Variants in TTLL3 observed in about 807,000 individuals in gnomAD.
TTLL3 encodes tubulin monoglycylase TTLL3.
In TTLL3, 63 loss-of-function variants were observed where a neutral mutation model predicts 75.2. The ratio of observed to expected loss-of-function variants is 0.84; its 90% confidence interval spans 0.68 to 1.03. The LOEUF (loss-of-function observed/expected upper bound fraction) is 1.03. Among genes scored for constraint, TTLL3 ranks in the 50% least tolerant of loss-of-function variants. TTLL3 has a pLI of 0.00. For synonymous variants in TTLL3, 393 were observed against 418.5 expected, an observed-to-expected ratio of 0.94 and a Z score of 0.74; for missense variants, 997 against 1,069.9, an observed-to-expected ratio of 0.93 and a Z score of 0.95.
rs771770791 is a variant in TTLL3, at chr3:9,829,154, C to T, written c.1442C>T (p.Thr481Ile). 1 of 1,614,216 alleles carries T rather than the reference C, an allele frequency of 6.2e-7. No individual in the cohort carries two copies. The highest frequency in any genetic ancestry group is 8.5e-7 in the Non-Finnish European group (1 of 1,180,040). ...GATGCTGTGATCCACGCACTTCAGA[C>T]CTCCCAGGACACCGTGCAGTGTCGG... ...MKDAVIHALQ[T>I]SQDTVQCRKA... The change falls in exon 11 of 14, where the codon ACC (threonine) becomes ATC (isoleucine). Residue 481 changes from threonine to isoleucine, a missense_variant. Transcript: ENST00000685419.
At chr3:9,835,026 T>C in intron 13 of TTLL3, 68 bp from the exon 14 acceptor site, 1 of 1,592,124 alleles carries the variant, frequency 6.3e-7, no homozygotes, top group Non-Finnish European at 8.6e-7. Flanking sequence ...AGAGCTGGTC[T>C]CCCTCAGAAG....
In TTLL3 at chr3:9,829,355, G is replaced by A. The variant is rs368192955; in HGVS notation, c.1643G>A (p.Arg548His). 241 of 1,608,248 alleles carry A rather than the reference G, an allele frequency of 1.5e-4. No individual in the cohort carries two copies. The highest frequency in any genetic ancestry group is 1.1e-3 in the South Asian group (98 of 90,590). The change falls in exon 11 of 14, where the codon CGC (arginine) becomes CAC (histidine). Residue 548 changes from arginine to histidine, a missense_variant. Coordinates refer to ENST00000685419, the MANE Select transcript of TTLL3 (RefSeq NM_001387446.1). Reference protein sequence around the residue: ...LRVVIDRMLDRNCDTGAFELI... With the variant: ...LRVVIDRMLDHNCDTGAFELI... ...GTGGTCATTGACCGGATGCTGGACC[G>A]CAACTGTGACACAGGAGCCTTTGAG...
At chr3:9,818,723 G>A (rs1288073975) in intron 6 of TTLL3, 99 bp from the exon 7 acceptor site, 2 of 1,595,882 alleles carry the variant, frequency 1.3e-6, no homozygotes, top group African/African-American at 2.7e-5. Context: ...GTAGAGTCAG[G>A]TTCTGGATCC....
Position 9,813,238 on chromosome 3 carries a change from G to C in TTLL3, c.218-10G>C. 1 of 1,614,104 alleles carries C rather than the reference G, an allele frequency of 6.2e-7. No homozygotes were observed. Among genetic ancestry groups the C allele is most frequent in the Admixed American group, 1.7e-5 (1 of 60,026 alleles). On this transcript the variant is annotated splice_polypyrimidine_tract_variant and intron_variant, in intron 3 of 13. Transcript: ENST00000685419. Reference sequence around the variant, plus strand: ...AGGAAACTCATCAGCTCTGGGCTCTGCATCCACAGAGGATGAAGATGAGGA... The same window carrying C: ...AGGAAACTCATCAGCTCTGGGCTCTCCATCCACAGAGGATGAAGATGAGGA...
intron 11 of TTLL3, among the ~76,000 whole-genome samples, chr3:9,831,516 C>T (rs1575413498): frequency 6.6e-6 from 1 of 152,158 alleles, no homozygotes; most frequent in South Asian, 2.1e-4. Flanking sequence ...GTGGTGGCTA[C>T]CAGATTCTCT....
intron 7 of TTLL3, chr3:9,819,555 A>G (rs1031721276): frequency 1.0e-6 from 1 of 987,486 alleles, no homozygotes; most frequent in Non-Finnish European, 1.2e-6. Flanking sequence ...ACATGGCCTG[A>G]GAACAGCTTA....
At chr3:9,832,042 T>C (rs914815285) in intron 11 of TTLL3, among the ~76,000 whole-genome samples, 20 of 149,810 alleles carry the variant, frequency 1.3e-4, no homozygotes, top group Non-Finnish European at 5.9e-5. Flanking sequence ...CCGCCTGTCT[T>C]GGCCTCCCAG....
In TTLL3 at chr3:9,817,857, C is replaced by T. The variant is rs186667614; in HGVS notation, c.559+98C>T. ...AGAGAAACAGGCCTCTCTTCATGCC[C>T]TCATCTGCCTGCCCCAGCAGATTTC... On this transcript the variant is annotated intron_variant, in intron 6 of 13. Transcript: ENST00000685419. The T allele has an allele frequency of 8.8e-4, 1,295 of 1,464,982 alleles. 9 individuals are homozygous for T. In the Admixed American group the frequency reaches 9.4e-3, roughly 11 times the overall value. 90.7% of individuals were successfully genotyped at this position (1,464,982 alleles called of 1,614,324 possible).
At chr3:9,825,409 C>A (rs6443268) in intron 8 of TTLL3, 1 of 276,792 alleles carries the variant, frequency 3.6e-6, no homozygotes, top group Non-Finnish European at 7.2e-6. Context: ...GCCTTGAGGG[C>A]ATTCGTGAAA....
In TTLL3 at chr3:9,834,743, C is replaced by T; in HGVS notation, c.1888C>T (p.His630Tyr). ...GCTGCCTTCTCCCCATGTACTCCGA[C>T]ACCAGGGCCAGGTCCTCAGACGACA... ...AQLPSPHVLRHQGQVLRRQHS... is the reference protein window; with the variant it reads ...AQLPSPHVLRYQGQVLRRQHS... Residue 630 changes from histidine (H) to tyrosine (Y), a missense_variant, in exon 13 of 14, where the codon CAC becomes TAC. Coordinates refer to ENST00000685419, the MANE Select transcript of TTLL3 (RefSeq NM_001387446.1). 2 of 1,614,252 alleles carry T rather than the reference C, an allele frequency of 1.2e-6. No homozygotes were observed. Among genetic ancestry groups the T allele is most frequent in the Admixed American group, 3.3e-5 (2 of 60,032 alleles).
In TTLL3 at chr3:9,822,062, CTTT is replaced by C. The variant is rs1201552537; in HGVS notation, c.854+1340_854+1342del. 7.0e-3 allele frequency among the ~76,000 whole-genome samples: 531 copies of C among 75,380 alleles called. 1 individual carries two copies. Among genetic ancestry groups the C allele is most frequent in the Middle Eastern group, 0.017 (1 of 58 alleles). The allele number at this position is 75,380 out of a possible 152,430, so 49.5% of individuals were successfully genotyped here. ...AACATTAGTCATGAAGCACGAGTCCCTTTTTTTTTTTTTTTTTTTTTGAGACAG... is the reference window on the plus strand; with the variant it reads ...AACATTAGTCATGAAGCACGAGTCCCTTTTTTTTTTTTTTTTTTGAGACAG... On this transcript the variant is annotated intron_variant, in intron 8 of 13. Transcript: ENST00000685419.
chr3:9,813,559 A>C (rs1377399423), intron 4 of TTLL3, among the ~76,000 whole-genome samples: 1 of 152,058 alleles, frequency 6.6e-6, no homozygotes, highest in Non-Finnish European at 1.5e-5. Context: ...GTGGGAGGAT[A>C]ACTTGAGGCT....
At chr3:9,818,717 A>G in intron 6 of TTLL3, 105 bp from the exon 7 acceptor site, 1 of 1,586,714 alleles carries the variant, frequency 6.3e-7, no homozygotes, top group Non-Finnish European at 8.6e-7. Flanking sequence ...GAAAAGGTAG[A>G]GTCAGGTTCT....
In TTLL3 at chr3:9,817,728, G is replaced by T. The variant is rs1390354228; in HGVS notation, c.528G>T (p.Leu176=). 1.2e-6 allele frequency: 2 copies of T among 1,614,182 alleles called. No homozygotes were observed. The highest frequency in any genetic ancestry group is 1.1e-5 in the South Asian group (1 of 91,086). The change falls in exon 6 of 14, where the codon CTG becomes CTT. Residue 176 remains leucine (L), a synonymous_variant. Transcript: ENST00000685419. ...ANSFFPRCYC[L]GAEDDKKAFI... is the part of the protein sequence containing the mutation. ...CCTTCTTCCCACGCTGCTACTGCCTGGGGGCTGAGGATGACAAAAAAGCCT... is the reference window on the plus strand; with the variant it reads ...CCTTCTTCCCACGCTGCTACTGCCTTGGGGCTGAGGATGACAAAAAAGCCT...
chr3:9,810,240 A>T (rs574850863), upstream of TTLL3: 5 of 1,508,694 alleles, frequency 3.3e-6, no homozygotes, highest in South Asian at 6.1e-5. The surrounding 1 kb of genome is among the most constrained non-coding windows in gnomAD (Gnocchi z 4.4). Context: ...AGGGTCACGC[A>T]GGCGGCAGAT....
At chr3:9,826,002 G>C in intron 9 of TTLL3, 54 bp downstream of exon 9, 1 of 1,592,002 alleles carries the variant, frequency 6.3e-7, no homozygotes, top group Non-Finnish European at 8.6e-7. Context: ...GCATCTACCA[G>C]TAGAGGCCAA....
At chr3:9,813,165 G>A in intron 3 of TTLL3, 54 bp downstream of exon 3, 1 of 1,605,420 alleles carries the variant, frequency 6.2e-7, no homozygotes, top group Non-Finnish European at 8.5e-7. Flanking sequence ...TTTTCCTTTG[G>A]TTCCCACTGT....
At chr3:9,825,587 C>A in intron 8 of TTLL3, 1 of 754,750 alleles carries the variant, frequency 1.3e-6, no homozygotes, top group South Asian at 1.7e-5. Context: ...TTTTATCAGC[C>A]TTTCCCATTT....
chr3:9,812,177 A>G (rs1268855615), intron 2 of TTLL3, among the ~76,000 whole-genome samples: 4 of 152,148 alleles, frequency 2.6e-5, no homozygotes, highest in African/African-American at 9.7e-5. Flanking sequence ...GTTGGAGACC[A>G]GCCTGGCCAA....
Sources: allele counts gnomAD v4.1 joint callset (sites outside exome capture counted in the v4.1 genomes callset), GRCh38; gene constraint gnomAD v4.1.1; non-coding constraint Gnocchi (gnomAD v3.1); transcripts MANE v1.5; gene names NCBI Gene and HGNC (gene_info 2026-07-23, HGNC 2026-07-21).